The following WNK3 variants were observed in gnomAD, a reference collection of about 807,000 sequenced individuals.
WNK3 encodes WNK lysine deficient protein kinase 3.
A neutral mutation model predicts 116.7 loss-of-function variants in WNK3; 18 were observed. The ratio of observed to expected loss-of-function variants is 0.15; its 90% CI spans 0.11 to 0.23. The LOEUF (loss-of-function observed/expected upper bound fraction) is 0.23, where lower values mean the gene tolerates loss of function less well. WNK3 is among the 10% of genes least tolerant of loss of function. The probability of loss-of-function intolerance (pLI) is 1.00; values close to 1 mark genes in which losing one functional copy is unlikely to be tolerated. For missense variants in WNK3, 993 were observed against 1,323.8 expected (o/e 0.75, Z 3.88); for synonymous variants, 404 against 469.4 (o/e 0.86, Z 1.80).
At chrX:54,333,335 G>C (rs1557174663) in exon 2 of WNK3, 1 of 1,209,455 alleles carries the variant, frequency 8.3e-7, no homozygotes, top group East Asian at 3.0e-5. Flanking sequence ...AGATTTCTGA[G>C]GTTGACTTTG....
chrX:54,353,372 C>T (rs2069545491), intron 1 of WNK3, among the ~76,000 whole-genome samples: 1 of 110,960 alleles, frequency 9.0e-6, no homozygotes, highest in African/African-American at 3.3e-5. Context: ...GCAGGAGAAT[C>T]ACTTGAACAC....
chrX:54,248,575 G>T, intron 17 of WNK3, 122 bp downstream of exon 17: 1 of 593,062 alleles, frequency 1.7e-6, no homozygotes, highest in Non-Finnish European at 2.6e-6. Flanking sequence ...TTAAATACCT[G>T]TGACCTCAGC....
intron 21 of WNK3, 61 bp from the exon 22 acceptor site, chrX:54,228,804 A>G: frequency 2.2e-6 from 1 of 456,842 alleles, no homozygotes; most frequent in Non-Finnish European, 3.9e-6. Context: ...AAAAAGATGA[A>G]AACTGTAAAC....
chrX:54,249,705 A>G, intron 16 of WNK3, 71 bp from the exon 17 acceptor site: 2 of 1,003,529 alleles, frequency 2.0e-6, no homozygotes. Context: ...CCCTAAGTCA[A>G]AAGGAACAGG....
At chrX:54,304,555 AT>A (rs1282319775) in intron 5 of WNK3, among the ~76,000 whole-genome samples, 1 of 109,253 alleles carries the variant, frequency 9.2e-6, no homozygotes, top group Non-Finnish European at 1.9e-5. Context: ...AAAAAAAAAA[AT>A]CATATAATCG....
At chrX:54,262,976 T>C (rs1357622121) in intron 10 of WNK3, among the ~76,000 whole-genome samples, 1 of 108,887 alleles carries the variant, frequency 9.2e-6, no homozygotes, top group African/African-American at 3.3e-5. Flanking sequence ...CAGCTACTTC[T>C]GCTGGGGCAG....
chrX:54,207,842 C>G (rs781803003), intron 22 of WNK3, among the ~76,000 whole-genome samples: 5 of 110,857 alleles, frequency 4.5e-5, no homozygotes, highest in African/African-American at 9.8e-5. Context: ...GAGACCAACT[C>G]AAATCCTATC....
Position 54,292,808 on chromosome X carries a change from A to C in WNK3, c.2037+80T>G, listed in dbSNP as rs2068654134. On this transcript the variant is annotated intron_variant, in intron 10 of 23. Transcript: ENST00000354646. ...CTCTAAACTATAATGAATTTATAAA[A>C]GAGAACTTTTGCCTGTCAGAAAATC... is the stretch of plus-strand genomic sequence containing the variant. The C allele has an allele frequency of 9.0e-6, 9 of 1,002,053 alleles. No individual in the cohort carries two copies. The South Asian group carries it at 2.1e-4, about 23-fold the overall frequency. The allele number at this position is 1,002,053 out of a possible 1,213,427, so 82.6% of individuals were successfully genotyped here.
At chrX:54,236,126 T>C (rs1557150040) in intron 20 of WNK3, among the ~76,000 whole-genome samples, 1 of 110,748 alleles carries the variant, frequency 9.0e-6, no homozygotes, top group Non-Finnish European at 1.9e-5. Flanking sequence ...TCTTTTTTTT[T>C]AGACGGAGTC....
chrX:54,357,407 C>T (rs1385909778), intron 1 of WNK3, among the ~76,000 whole-genome samples: 1 of 111,491 alleles, frequency 9.0e-6, no homozygotes, highest in Non-Finnish European at 1.9e-5. Flanking sequence ...CAAACCTGCC[C>T]TTCCCCACTT....
At chrX:54,225,085 A>G (rs918719784) in intron 22 of WNK3, among the ~76,000 whole-genome samples, 1 of 107,803 alleles carries the variant, frequency 9.3e-6, no homozygotes, top group Non-Finnish European at 1.9e-5. Context: ...TCTAAAACAA[A>G]TAAAAAAAAA....
intron 1 of WNK3, among the ~76,000 whole-genome samples, chrX:54,348,689 T>C (rs2069471983): frequency 1.8e-5 from 2 of 111,736 alleles, no homozygotes; most frequent in Admixed American, 9.7e-5. Context: ...ACATTTTGAT[T>C]TTTAACACTC....
At chrX:54,211,950 G>T (rs2067620448) in intron 22 of WNK3, among the ~76,000 whole-genome samples, 1 of 110,225 alleles carries the variant, frequency 9.1e-6, no homozygotes, top group Non-Finnish European at 1.9e-5. Flanking sequence ...TATAGGGCCG[G>T]GTGCTGTGGC....
chrX:54,353,575 C>T (rs1241987370), intron 1 of WNK3, among the ~76,000 whole-genome samples: 10 of 110,858 alleles, frequency 9.0e-5, no homozygotes, highest in African/African-American at 2.6e-4. Context: ...TGTGAAACCC[C>T]GTCTCTTCTA....
At chrX:54,314,052 G>T (rs1439431637) in intron 2 of WNK3, among the ~76,000 whole-genome samples, 1 of 108,639 alleles carries the variant, frequency 9.2e-6, no homozygotes, top group East Asian at 2.9e-4. Context: ...AATTAGCCAG[G>T]TGTGGTGGCA....
rs1448485197 is a variant in WNK3, at chrX:54,249,739, C to G, written c.2714-105G>C. The G allele has an allele frequency of 4.4e-5, 36 of 814,503 alleles. No individual in the cohort carries two copies. In the African/African-American group the frequency reaches 7.1e-4, roughly 16 times the overall value. The allele number at this position is 814,503 out of a possible 1,213,427, so 67.1% of individuals were successfully genotyped here. On this transcript the variant is annotated intron_variant, in intron 16 of 23. Transcript: ENST00000354646. ...GGAGGACAAAGGGGCAAATGAGAAC[C>G]TGTGTGAAAGTACTCTCGTAAATAA... is the stretch of plus-strand genomic sequence containing the variant.
intron 22 of WNK3, among the ~76,000 whole-genome samples, chrX:54,215,535 G>A (rs1361792305): frequency 8.9e-6 from 1 of 112,247 alleles, no homozygotes; most frequent in East Asian, 2.8e-4. Flanking sequence ...ATCTCCGCTC[G>A]CTACAACCTC....
At chrX:54,247,332 T>A (rs1418597846) in intron 17 of WNK3, among the ~76,000 whole-genome samples, 6 of 111,315 alleles carry the variant, frequency 5.4e-5, no homozygotes, top group Non-Finnish European at 7.5e-5. Context: ...TAAAATAATT[T>A]AAAAAATTTT....
chrX:54,332,532 G>A (rs2069181581), intron 2 of WNK3, among the ~76,000 whole-genome samples: 1 of 111,667 alleles, frequency 9.0e-6, no homozygotes, highest in African/African-American at 3.3e-5. Flanking sequence ...TTTTCAAAAG[G>A]AGACATTAAG....
Sources: gnomAD v4.1 joint callset for allele counts (sites outside exome capture counted in the v4.1 genomes callset) on GRCh38, gnomAD v4.1.1 for gene constraint, MANE v1.5 for transcripts, NCBI Gene and HGNC (gene_info 2026-07-23, HGNC 2026-07-21) for gene names.